SORT1: variants seen among roughly 807,000 people sequenced by gnomAD.
The protein encoded by SORT1 is sortilin.
A neutral mutation model predicts 101.7 loss-of-function variants in SORT1; 39 were observed. The observed-to-expected ratio is 0.38, with a 90% CI of 0.30 to 0.50. The LOEUF is 0.50. Among genes scored for constraint, SORT1 ranks in the 20% least tolerant of loss-of-function variants. The pLI, the probability that SORT1 is intolerant of heterozygous loss-of-function variation, is 0.90. For missense variants in SORT1, 878 were observed against 1,040.4 expected, an observed-to-expected ratio of 0.84 and a Z score of 2.15; for synonymous variants, 396 against 393.7, an observed-to-expected ratio of 1.01 and a Z score of -0.07.
chr1:109,392,797 A>G lies in SORT1; in HGVS notation c.306+4790T>C, dbSNP rs75321305. 3.9e-4 allele frequency: 381 copies of G among 984,824 alleles called. No individual in the cohort carries two copies. The African/African-American group carries it at 6.4e-3, about 17-fold the overall frequency. The allele number at this position is 984,824 out of a possible 1,614,324, so 61.0% of individuals were successfully genotyped here. A position where few individuals can be genotyped will look rare whatever the true frequency, so the allele number is the denominator to read the frequency against. ...GGCTAAAGGTCTGACTATACATTGC[A>G]TGAGAGAAGACTCTTCATGAAGGTT... On this transcript the variant is annotated intron_variant, in intron 1 of 19. Transcript: ENST00000256637.
chr1:109,356,035 C>G (rs143669378), intron 3 of SORT1, among the ~76,000 whole-genome samples: 12 of 152,222 alleles, frequency 7.9e-5, no homozygotes, highest in Admixed American at 2.6e-4. Context: ...CCACGCCTGG[C>G]TAATTTTTGT....
At chr1:109,335,077 C>T (rs1648720307) in intron 11 of SORT1, among the ~76,000 whole-genome samples, 1 of 152,200 alleles carries the variant, frequency 6.6e-6, no homozygotes, top group East Asian at 1.9e-4. Flanking sequence ...TTGGGGGAGA[C>T]AGGCCCAACT....
chr1:109,348,007 G>A (rs1012331427), intron 6 of SORT1, among the ~76,000 whole-genome samples: 4 of 152,210 alleles, frequency 2.6e-5, no homozygotes, highest in Non-Finnish European at 5.9e-5. Flanking sequence ...CAGCCACTTG[G>A]CATGCATTTG....
intron 10 of SORT1, among the ~76,000 whole-genome samples, chr1:109,338,535 C>T (rs1648996359): frequency 6.6e-6 from 1 of 152,096 alleles, no homozygotes; most frequent in Non-Finnish European, 1.5e-5. Flanking sequence ...CTCTGTAGAG[C>T]CATTGAGTAG....
Position 109,314,728 on chromosome 1 carries a change from C to T in SORT1, c.2301G>A (p.Met767Ile), listed in dbSNP as rs755208822. ...VPIILAIVGLMLVTVVAGVLI... is the reference protein window; with the variant it reads ...VPIILAIVGLILVTVVAGVLI... ...GCACTCCTGCTACGACTGTGACCAG[C>T]ATCAATCCCACGATGGCCAGGATAA... The change falls in exon 18 of 20, where the codon ATG becomes ATA. Residue 767 changes from methionine to isoleucine, a missense_variant. Coordinates refer to ENST00000256637, the MANE Select transcript of SORT1 (RefSeq NM_002959.7). The T allele has an allele frequency of 5.4e-5, 87 of 1,612,008 alleles. No individual in the cohort carries two copies. Among genetic ancestry groups the T allele is most frequent in the Non-Finnish European group, 7.1e-5 (84 of 1,178,232 alleles).
At chr1:109,355,339 G>T in intron 4 of SORT1, 28 bp downstream of exon 4, 1 of 1,125,666 alleles carries the variant, frequency 8.9e-7, no homozygotes, top group Non-Finnish European at 1.4e-6. Context: ...TCAAGCACAA[G>T]CTTTATGTAT....
chr1:109,385,930 C>T (rs879343679), intron 1 of SORT1, among the ~76,000 whole-genome samples: 2 of 152,172 alleles, frequency 1.3e-5, no homozygotes, highest in Non-Finnish European at 2.9e-5. Context: ...AAAGTTCCAT[C>T]AAGGCAGAGG....
At chr1:109,391,005 A>G (rs538931015) in intron 1 of SORT1, among the ~76,000 whole-genome samples, 14 of 152,298 alleles carry the variant, frequency 9.2e-5, no homozygotes, top group Middle Eastern at 3.4e-3. Context: ...ACAGGCAGCC[A>G]GGATGAAGAA....
At chr1:109,322,538 T>C (rs1161778909) in intron 15 of SORT1, among the ~76,000 whole-genome samples, 1 of 151,878 alleles carries the variant, frequency 6.6e-6, no homozygotes, top group African/African-American at 2.4e-5. Flanking sequence ...AGGGTTTCAG[T>C]TTTTTTTGGG....
chr1:109,342,145 C>T lies in SORT1; in HGVS notation c.977G>A (p.Arg326Lys). Residue 326 changes from arginine (R) to lysine (K), a missense_variant, in exon 9 of 20, where the codon AGG becomes AAG. Coordinates refer to ENST00000256637, the MANE Select transcript of SORT1 (RefSeq NM_002959.7). ...CCCTTGATCTGTTGAAACGTGGATC[C>T]TTCTTGTTGTATCCTAGAACAGATG... ...SVMADKDTTR[R>K]IHVSTDQGDT... is the part of the protein sequence containing the mutation. 6.2e-7 allele frequency: 1 copy of T among 1,612,370 alleles called. No homozygotes were observed. Among genetic ancestry groups the T allele is most frequent in the East Asian group, 2.2e-5 (1 of 44,878 alleles).
intron 3 of SORT1, chr1:109,367,185 C>T (rs1235240759): frequency 1.1e-5 from 4 of 377,356 alleles, no homozygotes; most frequent in Admixed American, 4.6e-5. Flanking sequence ...CAAGATGACG[C>T]CACTGCACTC....
chr1:109,336,129 C>T, intron 11 of SORT1, 111 bp downstream of exon 11: 1 of 673,244 alleles, frequency 1.5e-6, no homozygotes, highest in Admixed American at 2.6e-5. Context: ...AACTTTCCAC[C>T]TTATGCTGAG....
Position 109,314,747 on chromosome 1 carries a change from A to C in SORT1, c.2282T>G (p.Leu761Arg). The C allele has an allele frequency of 6.2e-7, 1 of 1,610,632 alleles. No individual in the cohort carries two copies. Among genetic ancestry groups the C allele is most frequent in the Non-Finnish European group, 8.5e-7 (1 of 1,176,840 alleles). ...NSKSNSVPII[L>R]AIVGLMLVTV... ...GACCAGCATCAATCCCACGATGGCC[A>C]GGATAATTGGAACAGAATTTGACTT... Residue 761 changes from leucine to arginine, a missense_variant, in exon 18 of 20, where the codon CTG becomes CGG. Physicochemically the swap from Leu to Arg is moderately radical, Grantham distance 102 (BLOSUM62 -2). Transcript: ENST00000256637.
At chr1:109,334,949 AT>A (rs968893235) in intron 11 of SORT1, among the ~76,000 whole-genome samples, 1 of 152,096 alleles carries the variant, frequency 6.6e-6, no homozygotes, top group East Asian at 1.9e-4. Flanking sequence ...TTTTACTACT[AT>A]TTTTTTAAAA....
chr1:109,353,468 TC>T, intron 5 of SORT1, among the ~76,000 whole-genome samples: 1 of 152,022 alleles, frequency 6.6e-6, no homozygotes, highest in East Asian at 1.9e-4. Context: ...CCCTTCGTCC[TC>T]CTATGTCATC....
chr1:109,342,490 T>C (rs1023323227), intron 8 of SORT1, among the ~76,000 whole-genome samples: 23 of 152,370 alleles, frequency 1.5e-4, no homozygotes, highest in Middle Eastern at 3.4e-3. Flanking sequence ...GAACATTAGG[T>C]TGGCTTTATA....
At chr1:109,380,568 A>C (rs757031587) in intron 1 of SORT1, among the ~76,000 whole-genome samples, 1 of 152,126 alleles carries the variant, frequency 6.6e-6, no homozygotes, top group Non-Finnish European at 1.5e-5. Flanking sequence ...AATCAGTAGG[A>C]AACAGGCCAA....
intron 10 of SORT1, among the ~76,000 whole-genome samples, chr1:109,338,094 A>G (rs1648955934): frequency 6.6e-6 from 1 of 152,178 alleles, no homozygotes; most frequent in African/African-American, 2.4e-5. Flanking sequence ...CTAAAGGTGG[A>G]TTGATAGTGT....
chr1:109,334,412 T>C (rs1460534691), intron 11 of SORT1, among the ~76,000 whole-genome samples: 2 of 152,166 alleles, frequency 1.3e-5, no homozygotes, highest in African/African-American at 4.8e-5. Context: ...AGGCATTATG[T>C]TAAGTAAAAT....
Sources: gnomAD v4.1 joint callset for allele counts (sites outside exome capture counted in the v4.1 genomes callset) on GRCh38, gnomAD v4.1.1 for gene constraint, MANE v1.5 for transcripts, NCBI Gene and HGNC (gene_info 2026-07-23, HGNC 2026-07-21) for gene names.